PCDH11X: variants seen among roughly 807,000 people sequenced by gnomAD.
The protein encoded by PCDH11X is protocadherin 11 X-linked.
PCDH11X carries 18 observed loss-of-function variants against 53.3 expected under a neutral mutation model. The observed-to-expected ratio is 0.34, with a 90% CI of 0.23 to 0.50. The LOEUF is 0.50. Among genes scored for constraint, PCDH11X ranks in the 20% least tolerant of loss-of-function variants. The pLI is 0.98. For synonymous variants in PCDH11X, 279 were observed against 393.3 expected (o/e 0.71, Z 3.44); for missense variants, 570 against 1,032.4 (o/e 0.55, Z 6.14).
At chrX:91,988,799 A>G (rs1337453403) in intron 6 of PCDH11X, among the ~76,000 whole-genome samples, 1 of 111,579 alleles carries the variant, frequency 9.0e-6, no homozygotes, top group Non-Finnish European at 1.9e-5. Flanking sequence ...GCAGATCCGG[A>G]ACTCAATACA....
chrX:92,124,509 C>T (rs1428530823), intron 6 of PCDH11X, among the ~76,000 whole-genome samples: 1 of 106,937 alleles, frequency 9.4e-6, no homozygotes, highest in African/African-American at 3.5e-5. Context: ...CGCACCACTG[C>T]ACCCCAGCCT....
Position 92,256,470 on chromosome X carries a change from C to T in PCDH11X, c.3115-6644C>T, listed in dbSNP as rs186670351. Among the ~76,000 whole-genome samples, 11 of 110,972 alleles carry T rather than the reference C, an allele frequency of 9.9e-5. No homozygotes were observed. The East Asian group carries it at 2.0e-3, about 20-fold the overall frequency. On this transcript the variant is annotated intron_variant, in intron 7 of 10. Coordinates refer to ENST00000682573, the MANE Select transcript of PCDH11X (RefSeq NM_032968.5). Reference sequence around the variant, plus strand: ...ATTCGGCCATCTTGGCTCCTCCCTCCGGTTTGTGTACATTGAACCATCCTT... The same window carrying T: ...ATTCGGCCATCTTGGCTCCTCCCTCTGGTTTGTGTACATTGAACCATCCTT...
chrX:91,922,258 A>G (rs1433817075), intron 6 of PCDH11X, among the ~76,000 whole-genome samples: 1 of 111,916 alleles, frequency 8.9e-6, no homozygotes, highest in Non-Finnish European at 1.9e-5. Flanking sequence ...TAATATTTTA[A>G]ATTCTGTTTC....
At chrX:92,219,224 G>T (rs2066803989) in intron 7 of PCDH11X, among the ~76,000 whole-genome samples, 1 of 110,823 alleles carries the variant, frequency 9.0e-6, no homozygotes, top group Non-Finnish European at 1.9e-5. Flanking sequence ...AGGAAATAAA[G>T]TGTATTCAAT....
At chrX:91,906,713 G>A (rs1201037272) in intron 6 of PCDH11X, among the ~76,000 whole-genome samples, 1 of 111,509 alleles carries the variant, frequency 9.0e-6, no homozygotes, top group African/African-American at 3.3e-5. Flanking sequence ...CAAACACAAC[G>A]CCTTTATTAA....
At chrX:91,935,944 GCAAATGAAGCCTC>G (rs1186718052) in intron 6 of PCDH11X, among the ~76,000 whole-genome samples, 1 of 108,909 alleles carries the variant, frequency 9.2e-6, no homozygotes, top group Non-Finnish European at 1.9e-5. Context: ...GATTTCTCAT[GCAAATGAAGCCTC>G]CAAGTAGCAG....
At chrX:92,265,234 C>T (rs910745668) in intron 8 of PCDH11X, among the ~76,000 whole-genome samples, 4 of 109,721 alleles carry the variant, frequency 3.6e-5, no homozygotes, top group East Asian at 2.9e-4. Context: ...CGCACCCGGC[C>T]GATAAGCAGA....
intron 9 of PCDH11X, among the ~76,000 whole-genome samples, chrX:92,417,107 C>A (rs2071831416): frequency 9.0e-6 from 1 of 111,053 alleles, no homozygotes; most frequent in African/African-American, 3.3e-5. Context: ...ATGCATTATG[C>A]TTTGAATAAA....
chrX:92,576,601 G>A (rs1389177136), intron 10 of PCDH11X, among the ~76,000 whole-genome samples: 1 of 106,618 alleles, frequency 9.4e-6, no homozygotes, highest in African/African-American at 3.4e-5. Context: ...ATTACCACGA[G>A]GCTTGTAAAT....
At chrX:91,782,336 C>G (rs1401490910) in intron 1 of PCDH11X, among the ~76,000 whole-genome samples, 3 of 91,563 alleles carry the variant, frequency 3.3e-5, no homozygotes, top group African/African-American at 1.2e-4. Flanking sequence ...CCCCAGCTCT[C>G]TCCCTTTTTC....
At chrX:92,123,745 A>T in intron 6 of PCDH11X, among the ~76,000 whole-genome samples, 1 of 106,262 alleles carries the variant, frequency 9.4e-6, no homozygotes, top group African/African-American at 3.5e-5. Flanking sequence ...GAGTCTCGCA[A>T]ACTTTCATTC....
At chrX:91,790,057 T>C (rs1453608774) in intron 1 of PCDH11X, among the ~76,000 whole-genome samples, 1 of 95,041 alleles carries the variant, frequency 1.1e-5, no homozygotes, top group East Asian at 3.3e-4. Flanking sequence ...ACAAGCATGA[T>C]AAAGATGAAG....
At chrX:92,586,039 T>A (rs938183939) in intron 10 of PCDH11X, among the ~76,000 whole-genome samples, 1 of 80,079 alleles carries the variant, frequency 1.2e-5, no homozygotes. Context: ...CTACTGCCTA[T>A]TGCTGACTGA....
chrX:92,346,109 G>A (rs971858433), intron 8 of PCDH11X, among the ~76,000 whole-genome samples: 1 of 110,535 alleles, frequency 9.0e-6, no homozygotes, highest in South Asian at 3.8e-4. Flanking sequence ...GTACATTAAC[G>A]ACTGCCAATG....
At chrX:91,961,544 C>A (rs771153565) in intron 6 of PCDH11X, among the ~76,000 whole-genome samples, 3 of 108,763 alleles carry the variant, frequency 2.8e-5, no homozygotes, top group African/African-American at 6.8e-5. Context: ...ATCTTATATA[C>A]ACAACACTCT....
intron 6 of PCDH11X, among the ~76,000 whole-genome samples, chrX:92,163,778 G>A (rs1481012644): frequency 9.0e-6 from 1 of 111,010 alleles, no homozygotes; most frequent in Non-Finnish European, 1.9e-5. Context: ...TAGGAGTTCC[G>A]GAGCAAAGGT....
intron 10 of PCDH11X, among the ~76,000 whole-genome samples, chrX:92,566,679 A>T (rs1235121632): frequency 9.0e-6 from 1 of 110,962 alleles, no homozygotes; most frequent in African/African-American, 3.3e-5. Context: ...AAAATGCAAA[A>T]AATCTATTTT....
chrX:92,380,477 C>T (rs2070852265), intron 8 of PCDH11X, among the ~76,000 whole-genome samples: 1 of 111,950 alleles, frequency 8.9e-6, no homozygotes, highest in Non-Finnish European at 1.9e-5. Context: ...AGCAACACCC[C>T]GAAGATCTTG....
chrX:92,069,637 A>AT (rs770457256), intron 6 of PCDH11X, among the ~76,000 whole-genome samples: 3 of 109,957 alleles, frequency 2.7e-5, no homozygotes, highest in Non-Finnish European at 5.7e-5. Context: ...CCATTGTATG[A>AT]TTTTTGCTTT....
Sources: gnomAD v4.1 joint callset for allele counts (sites outside exome capture counted in the v4.1 genomes callset) on GRCh38, gnomAD v4.1.1 for gene constraint, MANE v1.5 for transcripts, NCBI Gene and HGNC (gene_info 2026-07-23, HGNC 2026-07-21) for gene names.